CDH18: variants seen among roughly 807,000 people sequenced by gnomAD.
The protein encoded by CDH18 is cadherin 18.
Under a neutral mutation model 67.9 loss-of-function variants are expected in CDH18, and 31 were observed. The observed-to-expected ratio is 0.46, with a 90% CI of 0.34 to 0.62. The LOEUF (loss-of-function observed/expected upper bound fraction) is 0.62, where lower values mean the gene tolerates loss of function less well. CDH18 is among the 20% of genes least tolerant of loss of function. The pLI, the probability that CDH18 is intolerant of heterozygous loss-of-function variation, is 0.01. For missense variants in CDH18, 890 were observed against 975.5 expected (o/e 0.91, Z 1.17); for synonymous variants, 362 against 347.2 (o/e 1.04, Z -0.48).
intron 2 of CDH18, among the ~76,000 whole-genome samples, chr5:19,966,276 T>C (rs1224147582): frequency 6.6e-6 from 1 of 152,124 alleles, no homozygotes; most frequent in African/African-American, 2.4e-5. Context: ...AAATAATATA[T>C]CCAATAATGC....
rs60236798 is a variant in CDH18, at chr5:20,061,930, A to C, written c.-517-69916T>G. Among the ~76,000 whole-genome samples, 830 of 152,128 alleles carry C rather than the reference A, an allele frequency of 5.5e-3. 57 individuals are homozygous for C. In the East Asian group the frequency reaches 0.15, roughly 27 times the overall value. On this transcript the variant is annotated intron_variant, in intron 2 of 14. Transcript: ENST00000507958. Reference sequence around the variant, plus strand: ...TGGTCAGGAATCAACGACAATTATCAACACTTCCATGGCCCTCATTGCATG... The same window carrying C: ...TGGTCAGGAATCAACGACAATTATCCACACTTCCATGGCCCTCATTGCATG...
In CDH18 at chr5:19,716,804, C is replaced by A. The variant is rs193002470; in HGVS notation, c.643+4543G>T. 1.9e-3 allele frequency among the ~76,000 whole-genome samples: 289 copies of A among 151,978 alleles called. 1 individual carries two copies. Among genetic ancestry groups the A allele is most frequent in the Middle Eastern group, 0.01 (3 of 290 alleles). On this transcript the variant is annotated intron_variant, in intron 5 of 12. Coordinates refer to ENST00000382275, the MANE Select transcript of CDH18 (RefSeq NM_004934.5). ...TGTCTGATCTTACTATTTTTATGTA[C>A]CTGACAATTAAATGTAGAATGTATC...
At chr5:19,577,362 G>A (rs1472413869) in intron 7 of CDH18, among the ~76,000 whole-genome samples, 1 of 151,900 alleles carries the variant, frequency 6.6e-6, no homozygotes, top group East Asian at 1.9e-4. Flanking sequence ...TAAAACTTAG[G>A]AAAAAAGAAA....
At chr5:20,402,154 G>A (rs74551223) in intron 1 of CDH18, among the ~76,000 whole-genome samples, 6 of 151,886 alleles carry the variant, frequency 4.0e-5, no homozygotes, top group African/African-American at 9.7e-5. Context: ...CTTTTTCAAC[G>A]TTCAGCTCTC....
intron 1 of CDH18, among the ~76,000 whole-genome samples, chr5:20,369,271 A>C (rs1455723222): frequency 1.3e-5 from 2 of 151,802 alleles, no homozygotes; most frequent in African/African-American, 4.9e-5. Flanking sequence ...ATACACAGGA[A>C]ATAAGAAAAA....
intron 5 of CDH18, among the ~76,000 whole-genome samples, chr5:19,715,749 G>A (rs574015136): frequency 6.6e-6 from 1 of 150,672 alleles, no homozygotes; most frequent in South Asian, 2.1e-4. Flanking sequence ...TACTACTTCA[G>A]ATAAGACTAT....
chr5:19,762,214 A>G (rs1260562479), intron 3 of CDH18, among the ~76,000 whole-genome samples: 1 of 152,210 alleles, frequency 6.6e-6, no homozygotes, highest in Non-Finnish European at 1.5e-5. Context: ...ACCAAAAGCA[A>G]TGGCAACAAA....
intron 1 of CDH18, among the ~76,000 whole-genome samples, chr5:20,272,624 G>T (rs1745519625): frequency 6.6e-6 from 1 of 151,830 alleles, no homozygotes; most frequent in Non-Finnish European, 1.5e-5. Context: ...CCTTCATTCA[G>T]AAGATAAAAC....
chr5:20,480,504 G>A (rs1382433380), intron 1 of CDH18, among the ~76,000 whole-genome samples: 2 of 152,038 alleles, frequency 1.3e-5, no homozygotes, highest in Non-Finnish European at 2.9e-5. Flanking sequence ...TGCAGCCTGT[G>A]CCTCCCAGGT....
At chr5:19,699,642 CTGTGTGTG>C (rs70950085) in intron 5 of CDH18, among the ~76,000 whole-genome samples, 2 of 144,398 alleles carry the variant, frequency 1.4e-5, no homozygotes, top group African/African-American at 5.0e-5. Flanking sequence ...GTGTGTGTGT[CTGTGTGTG>C]TGTGTGTGTG....
chr5:20,031,182 T>A lies in CDH18; in HGVS notation c.-517-39168A>T, dbSNP rs561725900. Among the ~76,000 whole-genome samples the A allele has an allele frequency of 1.2e-4, 18 of 152,220 alleles. 2 individuals carry two copies. The South Asian group carries it at 2.7e-3, about 23-fold the overall frequency. ...TTCTGTGAGCTGCTCTGATCTTTAT[T>A]CATTCTGCTTTACGTTGGACTTAAT... On this transcript the variant is annotated intron_variant, in intron 2 of 14. Coordinates refer to the CDH18 transcript ENST00000507958.
In CDH18 at chr5:20,250,468, T is replaced by C. The variant is rs994181249; in HGVS notation, c.-518+4976A>G. 4.6e-5 allele frequency among the ~76,000 whole-genome samples: 7 copies of C among 151,746 alleles called. No individual in the cohort carries two copies. In the East Asian group the frequency reaches 1.4e-3, roughly 29 times the overall value. ...CCACCACGCCCAGTTAATTTTTGTA[T>C]TTTTAGTAGAAATGGGGTTTCACCT... On this transcript the variant is annotated intron_variant, in intron 2 of 14. Coordinates refer to the CDH18 transcript ENST00000507958.
intron 2 of CDH18, among the ~76,000 whole-genome samples, chr5:20,235,456 G>T (rs1742400308): frequency 1.3e-5 from 2 of 152,066 alleles, no homozygotes; most frequent in African/African-American, 2.4e-5. Flanking sequence ...CTGTTAAAAA[G>T]TGGGCCAAGG....
intron 3 of CDH18, among the ~76,000 whole-genome samples, chr5:19,752,599 G>T (rs1007411625): frequency 6.6e-6 from 1 of 152,062 alleles, no homozygotes; most frequent in Non-Finnish European, 1.5e-5. Context: ...ACCCATCCTG[G>T]TAACTGAAGA....
intron 1 of CDH18, among the ~76,000 whole-genome samples, chr5:20,496,896 A>G (rs911870784): frequency 3.3e-5 from 5 of 152,102 alleles, no homozygotes; most frequent in African/African-American, 1.2e-4. Flanking sequence ...TTAGAAGTTG[A>G]CAAATTTTAC....
chr5:19,576,163 G>A (rs1344128849), intron 7 of CDH18, among the ~76,000 whole-genome samples: 1 of 151,996 alleles, frequency 6.6e-6, no homozygotes, highest in Non-Finnish European at 1.5e-5. Context: ...AAATTGAGGG[G>A]AAACCTTCAT....
At chr5:19,994,855 T>TATATATATATATAGAGAGAGAGAG (rs760777430) in intron 2 of CDH18, among the ~76,000 whole-genome samples, 9 of 67,586 alleles carry the variant, frequency 1.3e-4, no homozygotes, top group Admixed American at 6.9e-4. Context: ...TATATATATA[T>TATATATATATATAGAGAGAGAGAG]AGAGAGAGAG....
At chr5:19,718,474 C>T (rs1158364860) in intron 5 of CDH18, among the ~76,000 whole-genome samples, 1 of 151,932 alleles carries the variant, frequency 6.6e-6, no homozygotes, top group African/African-American at 2.4e-5. Flanking sequence ...CACTTTTCTG[C>T]ACAATTTCAA....
chr5:20,425,543 C>T, intron 1 of CDH18, among the ~76,000 whole-genome samples: 1 of 150,852 alleles, frequency 6.6e-6, no homozygotes, highest in East Asian at 1.9e-4. Context: ...AATATTATAA[C>T]TGAAGGTACA....
Sources: gnomAD v4.1 joint callset for allele counts (sites outside exome capture counted in the v4.1 genomes callset) on GRCh38, gnomAD v4.1.1 for gene constraint, MANE v1.5 for transcripts, NCBI Gene and HGNC (gene_info 2026-07-23, HGNC 2026-07-21) for gene names.